Variants in ZNF124 observed in about 807,000 individuals in gnomAD.
ZNF124 encodes the protein zinc finger protein HZF-16.
In ZNF124, 25 loss-of-function variants were observed where a neutral mutation model predicts 26.6. The observed-to-expected ratio is 0.94, with a 90% CI of 0.68 to 1.31. ZNF124 has a LOEUF of 1.31. Ranked by LOEUF, ZNF124 falls within the 40% of genes most tolerant of loss-of-function variation. The pLI, the probability that ZNF124 is intolerant of heterozygous loss-of-function variation, is 0.00. For missense variants in ZNF124, 444 were observed against 422.2 expected (o/e 1.05, Z -0.45); for synonymous variants, 129 against 133.3 (o/e 0.97, Z 0.22).
chr1:247,140,603 C>T (rs1044360623), intron 3 of ZNF124, among the ~76,000 whole-genome samples: 1 of 152,162 alleles, frequency 6.6e-6, no homozygotes, highest in African/African-American at 2.4e-5. Flanking sequence ...GGTGGGTGTT[C>T]CTGTAACTGC....
intron 1 of ZNF124, among the ~76,000 whole-genome samples, chr1:247,160,220 G>A (rs958819185): frequency 3.3e-5 from 5 of 152,108 alleles, no homozygotes; most frequent in African/African-American, 9.7e-5. Flanking sequence ...TCTTGACCTC[G>A]TGATCTGCCT....
Position 247,156,095 on chromosome 1 carries a change from G to A in ZNF124, c.*471C>T. The A allele has an allele frequency of 3.1e-6, 3 of 981,280 alleles. No homozygotes were observed. The South Asian group carries it at 1.4e-4, about 46-fold the overall frequency. 60.8% of individuals were successfully genotyped at this position (981,280 alleles called of 1,614,324 possible). A position where few individuals can be genotyped will look rare whatever the true frequency, so the allele number is the denominator to read the frequency against. On this transcript the variant is annotated 3_prime_UTR_variant, in exon 4 of 4. Transcript: ENST00000543802. ...TTATTTCCAGTGGGAGTTTTCACAT[G>A]ACCTTTAAAGTAATTGTTAAAATTC...
intron 1 of ZNF124, among the ~76,000 whole-genome samples, chr1:247,166,626 A>C (rs1366251658): frequency 6.6e-6 from 1 of 152,220 alleles, no homozygotes; most frequent in Non-Finnish European, 1.5e-5. Context: ...TTATGTAAAA[A>C]GTCTCTAAGG....
chr1:247,150,054 T>G (rs1672886103), downstream of ZNF124: 1 of 152,186 alleles, frequency 6.6e-6, no homozygotes, highest in South Asian at 2.1e-4. Flanking sequence ...CTTTATGACC[T>G]CACCACCTCC....
At chr1:247,154,864 C>T (rs1422145975), downstream of ZNF124, among the ~76,000 whole-genome samples, 3 of 152,084 alleles carry the variant, frequency 2.0e-5, no homozygotes, top group Admixed American at 6.5e-5. Context: ...TGTGATATAC[C>T]ATGTTAACAG....
At chr1:247,144,354 A>C (rs1672706640) in intron 3 of ZNF124, among the ~76,000 whole-genome samples, 1 of 152,184 alleles carries the variant, frequency 6.6e-6, no homozygotes, top group African/African-American at 2.4e-5. Flanking sequence ...GTTTACATAA[A>C]ACTCAACCAC....
chr1:247,141,293 T>G (rs913261219), intron 3 of ZNF124, among the ~76,000 whole-genome samples: 5 of 151,068 alleles, frequency 3.3e-5, no homozygotes, highest in African/African-American at 9.8e-5. Flanking sequence ...GCAAGGGCAG[T>G]TCCACTGCAG....
rs752175620 is a variant in ZNF124, at chr1:247,157,437, T to TCA, written c.219-36_219-35dup. On this transcript the variant is annotated intron_variant, in intron 3 of 3. Coordinates refer to ENST00000543802, the MANE Select transcript of ZNF124 (RefSeq NM_001297568.2). ...GGATGAATGACGTATGAAGAATTTT[T>TCA]CACACACAATGCATTCATGTGGTTT... The TCA allele has an allele frequency of 3.3e-6, 5 of 1,537,232 alleles. No homozygotes were observed. The African/African-American group carries it at 6.9e-5, about 21-fold the overall frequency.
At chr1:247,167,830 C>T (rs1465782436) in intron 1 of ZNF124, among the ~76,000 whole-genome samples, 6 of 152,142 alleles carry the variant, frequency 3.9e-5, no homozygotes. Context: ...CTACAAAGGA[C>T]TAATATCCAG....
chr1:247,166,607 T>G (rs545581446), intron 1 of ZNF124, among the ~76,000 whole-genome samples: 1 of 152,306 alleles, frequency 6.6e-6, no homozygotes, highest in South Asian at 2.1e-4. Flanking sequence ...GAAATCTGTG[T>G]CTTAAATCTT....
intron 3 of ZNF124, among the ~76,000 whole-genome samples, chr1:247,145,906 A>G (rs1330318619): frequency 6.6e-5 from 10 of 152,216 alleles, no homozygotes; most frequent in African/African-American, 2.2e-4. Context: ...TACAGGCGTG[A>G]GCCACTGCGC....
At chr1:247,133,091 A>C (rs986710510) in intron 3 of ZNF124, among the ~76,000 whole-genome samples, 176 of 152,328 alleles carry the variant, frequency 1.2e-3, no homozygotes, top group African/African-American at 3.8e-3. Flanking sequence ...ACAGCATGAG[A>C]ACTTCATGAA....
At chr1:247,164,361 CCA>C (rs1673659595) in intron 1 of ZNF124, among the ~76,000 whole-genome samples, 1 of 152,146 alleles carries the variant, frequency 6.6e-6, no homozygotes, top group Admixed American at 6.5e-5. Context: ...CCCCAAAACC[CCA>C]CAGTCTCTGT....
intron 3 of ZNF124, among the ~76,000 whole-genome samples, chr1:247,147,469 C>T (rs1307033680): frequency 6.6e-6 from 1 of 152,270 alleles, no homozygotes; most frequent in East Asian, 1.9e-4. Context: ...TCGTGATCCA[C>T]ACGGCTCGGC....
In ZNF124 at chr1:247,137,487, C is replaced by CAAAAAAAAAAAAA. The variant is rs56926662; in HGVS notation, c.219-13629_219-13617dup. ...CGAAACCCTGTCTCTACTAAAAATA[C>CAAAAAAAAAAAAA]AAAAAAAAAAAAAAAAAAAAAAAGA... On this transcript the variant is annotated intron_variant, in intron 3 of 3. Transcript: ENST00000472531. Among the ~76,000 whole-genome samples, 52 of 81,588 alleles carry CAAAAAAAAAAAAA rather than the reference C, an allele frequency of 6.4e-4. 1 individual carries two copies. Among genetic ancestry groups the CAAAAAAAAAAAAA allele is most frequent in the Non-Finnish European group, 7.2e-4 (30 of 41,604 alleles). The allele number at this position is 81,588 out of a possible 152,430, so 53.5% of individuals were successfully genotyped here.
rs141256366 is a variant in ZNF124 at position 247,124,798 on chromosome 1, T to G, written c.219-927A>C. 4.1e-3 allele frequency among the ~76,000 whole-genome samples: 619 copies of G among 152,066 alleles called. 7 individuals are homozygous for G. Among genetic ancestry groups the G allele is most frequent in the African/African-American group, 0.014 (576 of 41,490 alleles). On this transcript the variant is annotated intron_variant, in intron 3 of 3. Coordinates refer to the ZNF124 transcript ENST00000472531. Reference sequence around the variant, plus strand: ...TTCATGTTGTAGTATGTATCAGCATTTCATTCCTTTTGTTTTAGAGACAGG... The same window carrying G: ...TTCATGTTGTAGTATGTATCAGCATGTCATTCCTTTTGTTTTAGAGACAGG...
At chr1:247,150,717 T>C (rs1450254186), downstream of ZNF124, among the ~76,000 whole-genome samples, 2 of 152,068 alleles carry the variant, frequency 1.3e-5, no homozygotes, top group Non-Finnish European at 2.9e-5. Flanking sequence ...GAATAAATTA[T>C]ATTTTGTTAG....
At chr1:247,128,979 G>T in intron 3 of ZNF124, among the ~76,000 whole-genome samples, 1 of 8,306 alleles carries the variant, frequency 1.2e-4, no homozygotes, top group African/African-American at 5.5e-4. Context: ...ATGAGAGGGA[G>T]GGTGGACATT....
intron 3 of ZNF124, among the ~76,000 whole-genome samples, chr1:247,124,088 A>G (rs2103095912): frequency 6.6e-6 from 1 of 152,120 alleles, no homozygotes; most frequent in African/African-American, 2.4e-5. Flanking sequence ...TCGGCCTCCC[A>G]AAGTGCTGGG....
Sources: allele counts gnomAD v4.1 joint callset (sites outside exome capture counted in the v4.1 genomes callset), GRCh38; gene constraint gnomAD v4.1.1; transcripts MANE v1.5; gene names NCBI Gene and HGNC (gene_info 2026-07-23, HGNC 2026-07-21).